SPC25: variants seen among roughly 807,000 people sequenced by gnomAD.
SPC25 encodes SPC25 component of NDC80 kinetochore complex.
SPC25 carries 22 observed loss-of-function variants against 29.6 expected under a neutral mutation model. The ratio of observed to expected loss-of-function variants is 0.74; its 90% CI spans 0.53 to 1.06. The LOEUF is 1.06. Ranked by LOEUF, SPC25 falls within the 50% of genes least tolerant of loss-of-function variation. The pLI is 0.00. For synonymous variants in SPC25, 91 were observed against 90.4 expected (o/e 1.01, Z -0.04); for missense variants, 230 against 255.8 (o/e 0.90, Z 0.69).
At chr2:168,863,463 G>A in intron 4 of SPC25, 4 of 985,326 alleles carry the variant, frequency 4.1e-6, no homozygotes, top group Non-Finnish European at 4.8e-6. Flanking sequence ...CTTGGATCCT[G>A]ACGGGGGCAG....
intron 4 of SPC25, chr2:168,861,869 C>G: frequency 8.8e-7 from 1 of 1,135,944 alleles, no homozygotes; most frequent in Non-Finnish European, 1.3e-6. Context: ...TATTGAAACT[C>G]TGCATCACAC....
At chr2:168,885,693 C>G (rs1047293719) in intron 3 of SPC25, among the ~76,000 whole-genome samples, 2 of 152,230 alleles carry the variant, frequency 1.3e-5, no homozygotes, top group African/African-American at 4.8e-5. Context: ...GAATGTAATG[C>G]TGACTCTGTT....
chr2:168,862,887 C>A (rs964051187), intron 4 of SPC25, among the ~76,000 whole-genome samples: 8 of 152,116 alleles, frequency 5.3e-5, no homozygotes, highest in African/African-American at 1.9e-4. Flanking sequence ...GACATGGCTC[C>A]CAGAGCCAAT....
At chr2:168,879,394 G>A (rs1690137875) in intron 3 of SPC25, among the ~76,000 whole-genome samples, 1 of 152,170 alleles carries the variant, frequency 6.6e-6, no homozygotes, top group South Asian at 2.1e-4. Flanking sequence ...TCTTCACCAG[G>A]AGTGGATTCC....
At chr2:168,886,894 AC>A (rs1176257244) in intron 3 of SPC25, among the ~76,000 whole-genome samples, 1 of 152,204 alleles carries the variant, frequency 6.6e-6, no homozygotes, top group Non-Finnish European at 1.5e-5. Flanking sequence ...ATAACTTCAT[AC>A]TATAGATAAT....
At chr2:168,887,080 T>A (rs1406417165) in intron 3 of SPC25, among the ~76,000 whole-genome samples, 1 of 152,028 alleles carries the variant, frequency 6.6e-6, no homozygotes, top group Admixed American at 6.5e-5. Context: ...ACAGAGGGAA[T>A]GAGAGAAGCA....
intron 4 of SPC25, 69 bp downstream of exon 4, chr2:168,877,169 T>A: frequency 6.5e-7 from 1 of 1,541,222 alleles, no homozygotes; most frequent in East Asian, 2.3e-5. Flanking sequence ...ACAGGCAAGA[T>A]GTACTTAATA....
chr2:168,873,713 C>T (rs1315793287), intron 5 of SPC25, 30 bp from the exon 6 acceptor site: 1 of 1,445,130 alleles, frequency 6.9e-7, no homozygotes. Context: ...TTTAGTGTGT[C>T]AAAGCTTTCA....
intron 4 of SPC25, among the ~76,000 whole-genome samples, chr2:168,863,818 G>A (rs77644297): frequency 2.4e-4 from 36 of 152,244 alleles, no homozygotes; most frequent in African/African-American, 4.3e-4. Flanking sequence ...CTCAAAGTAC[G>A]GACACCAAGA....
intron 6 of SPC25, 124 bp from the exon 7 acceptor site, chr2:168,871,679 G>C (rs926569475): frequency 1.1e-6 from 1 of 906,534 alleles, no homozygotes; most frequent in African/African-American, 1.7e-5. Context: ...GAAATTCTTT[G>C]AGCAAAAAAG....
intron 4 of SPC25, chr2:168,863,385 T>C: frequency 1.0e-6 from 1 of 983,646 alleles, no homozygotes; most frequent in Non-Finnish European, 1.2e-6. Context: ...AGAAAGAAAG[T>C]TGCTGAGGAA....
chr2:168,863,228 A>ATTTG (rs761850181), intron 4 of SPC25, among the ~76,000 whole-genome samples: 46 of 152,322 alleles, frequency 3.0e-4, no homozygotes, highest in African/African-American at 3.1e-4. Flanking sequence ...TGAAATCATT[A>ATTTG]TTTGTTTGAA....
intron 4 of SPC25, chr2:168,864,879 T>G (rs1445718655): frequency 1.9e-6 from 3 of 1,613,924 alleles, no homozygotes; most frequent in Non-Finnish European, 2.5e-6. Flanking sequence ...GGATGGTGGT[T>G]TGGATCTTTG....
rs370953948 is a variant in SPC25, at chr2:168,882,957, T to C, written c.200-5573A>G. ...AATGCTAGGGTCCTTCTAGAAAATA[T>C]TTTTGACATTGTAAAATAAAAGAGC... On this transcript the variant is annotated intron_variant, in intron 3 of 6. Transcript: ENST00000282074. 7.1e-4 allele frequency among the ~76,000 whole-genome samples: 108 copies of C among 152,304 alleles called. 3 individuals carry two copies. In the South Asian group the frequency reaches 0.015, roughly 21 times the overall value.
At chr2:168,883,977 G>T (rs939132709) in intron 3 of SPC25, among the ~76,000 whole-genome samples, 5 of 151,972 alleles carry the variant, frequency 3.3e-5, no homozygotes, top group African/African-American at 1.2e-4. Context: ...CACCATGTTG[G>T]CCAGGATGGT....
Position 168,871,407 on chromosome 2 carries a change from G to A in SPC25, c.*24C>T, listed in dbSNP as rs760817524. On this transcript the variant is annotated 3_prime_UTR_variant, in exon 7 of 7. Transcript: ENST00000282074. Reference sequence around the variant, plus strand: ...ATGTAATAGAGAAGAAAAATAAACCGTTTTTATATACACTATTTGTATGTT... The same window carrying A: ...ATGTAATAGAGAAGAAAAATAAACCATTTTTATATACACTATTTGTATGTT... The A allele has an allele frequency of 2.0e-5, 31 of 1,566,460 alleles. No homozygotes were observed. In the South Asian group the frequency reaches 2.2e-4, roughly 11 times the overall value.
At chr2:168,873,760 A>G in intron 5 of SPC25, 77 bp from the exon 6 acceptor site, 1 of 896,500 alleles carries the variant, frequency 1.1e-6, no homozygotes, top group Non-Finnish European at 1.9e-6. Flanking sequence ...TTTGATCAAT[A>G]TCTGCACTGC....
intron 3 of SPC25, among the ~76,000 whole-genome samples, chr2:168,886,810 C>T (rs1002283324): frequency 1.3e-5 from 2 of 152,232 alleles, no homozygotes; most frequent in Non-Finnish European, 1.5e-5. Flanking sequence ...TGAACCACCC[C>T]GCCCGGCCAA....
At chr2:168,866,946 C>G (rs367716998), downstream of SPC25, among the ~76,000 whole-genome samples, 273 of 137,690 alleles carry the variant, frequency 2.0e-3, 3 homozygotes, top group Admixed American at 0.019. Context: ...CCAGTTAGAA[C>G]GGCAATCATT....
Sources: allele counts gnomAD v4.1 joint callset (sites outside exome capture counted in the v4.1 genomes callset), GRCh38; gene constraint gnomAD v4.1.1; transcripts MANE v1.5; gene names NCBI Gene and HGNC (gene_info 2026-07-23, HGNC 2026-07-21).